Variants in NUP133 observed in about 807,000 individuals in gnomAD.
NUP133 encodes the protein nucleoporin 133.
In NUP133, 66 loss-of-function variants were observed where a neutral mutation model predicts 146.2. The observed-to-expected ratio is 0.45, with a 90% CI of 0.37 to 0.55. The LOEUF (loss-of-function observed/expected upper bound fraction) is 0.55. Ranked by LOEUF, NUP133 falls within the 20% of genes least tolerant of loss-of-function variation. NUP133 has a pLI of 0.00. For synonymous variants in NUP133, 521 were observed against 498.8 expected (o/e 1.04, Z -0.59); for missense variants, 1,277 against 1,374.8 (o/e 0.93, Z 1.12).
rs557605890 is a variant in NUP133 at position 229,441,198 on chromosome 1, T to G, written c.*706A>C. ...ATTCATGAGTCATTCTGAAAATACA[T>G]GAGGCTGGCTGAATCCCCACACTGA... is the stretch of plus-strand genomic sequence containing the variant. On this transcript the variant is annotated 3_prime_UTR_variant, in exon 26 of 26. Coordinates refer to ENST00000261396, the MANE Select transcript of NUP133 (RefSeq NM_018230.3). The G allele has an allele frequency of 3.0e-6, 1 of 333,658 alleles. No homozygotes were observed. The highest frequency in any genetic ancestry group is 7.5e-5 in the East Asian group (1 of 13,310). 20.7% of individuals were successfully genotyped at this position (333,658 alleles called of 1,614,324 possible). A position where few individuals can be genotyped will look rare whatever the true frequency, so the allele number is the denominator to read the frequency against.
Position 229,458,233 on chromosome 1 carries a change from G to C in NUP133, c.2908C>G (p.Leu970Val). The change falls in exon 21 of 26, where the codon CTT becomes GTT. Residue 970 changes from leucine (L) to valine (V), a missense_variant. Coordinates refer to ENST00000261396, the MANE Select transcript of NUP133 (RefSeq NM_018230.3). The part of the protein sequence containing the change: ...ETRYFAKKKT[L>V]LGLSKLAALA... ...GCAGCCAATTTACTCAAGCCAAGAA[G>C]GGTTTTCTTCTTTGCAAAGTAACGA... 6.2e-7 allele frequency: 1 copy of C among 1,613,544 alleles called. No homozygotes were observed. Among genetic ancestry groups the C allele is most frequent in the Non-Finnish European group, 8.5e-7 (1 of 1,179,678 alleles).
rs770028780 is a variant in NUP133, at chr1:229,470,700, A to T, written c.1956T>A (p.Val652=). The change falls in exon 15 of 26, where the codon GTT becomes GTA. Residue 652 remains valine (V), a synonymous_variant. Coordinates refer to ENST00000261396, the MANE Select transcript of NUP133 (RefSeq NM_018230.3). ...AAAGCCGGGAGTGGTGGTTCTTGAG[A>T]ACAATGGCGGCTGACAGCTTTTCGG... The part of the protein sequence containing the change: ...EHAEKLSAAI[V]LKNHHSRLSD... 1.2e-6 allele frequency: 2 copies of T among 1,614,206 alleles called. No homozygotes were observed. The highest frequency in any genetic ancestry group is 1.7e-6 in the Non-Finnish European group (2 of 1,180,036).
chr1:229,478,293 T>C (rs1661126872), intron 12 of NUP133, among the ~76,000 whole-genome samples: 1 of 151,824 alleles, frequency 6.6e-6, no homozygotes, highest in Non-Finnish European at 1.5e-5. Context: ...AAATACACAT[T>C]GAATACTTAG....
intron 20 of NUP133, among the ~76,000 whole-genome samples, chr1:229,459,099 T>A (rs1182065124): frequency 6.6e-6 from 1 of 152,222 alleles, no homozygotes; most frequent in African/African-American, 2.4e-5. Flanking sequence ...TAAATCAAGC[T>A]AATTAACATG....
rs1660793091 is a variant in NUP133 at position 229,465,584 on chromosome 1, A to G, written c.2200-65T>C. 6 of 1,225,024 alleles carry G rather than the reference A, an allele frequency of 4.9e-6. No individual in the cohort carries two copies. The East Asian group carries it at 1.4e-4, about 28-fold the overall frequency. The allele number at this position is 1,225,024 out of a possible 1,614,324, so 75.9% of individuals were successfully genotyped here. ...ATGGATCACAGTATTTCTGAAGATA[A>G]TTTAAGACAGCAAAGTAAATTAGTA... On this transcript the variant is annotated intron_variant, in intron 16 of 25. Transcript: ENST00000261396.
chr1:229,478,458 G>A (rs1661130496), intron 12 of NUP133, among the ~76,000 whole-genome samples: 1 of 151,838 alleles, frequency 6.6e-6, no homozygotes, highest in African/African-American at 2.4e-5. Context: ...AGAACTGGGG[G>A]AGGGGTATAC....
chr1:229,474,558 G>T (rs1378642944), intron 14 of NUP133, among the ~76,000 whole-genome samples: 1 of 152,102 alleles, frequency 6.6e-6, no homozygotes, highest in Non-Finnish European at 1.5e-5. Context: ...ATCTAGTGCT[G>T]CACTGTCCAA....
At chr1:229,447,175 T>A (rs947081350) in intron 24 of NUP133, among the ~76,000 whole-genome samples, 5 of 152,204 alleles carry the variant, frequency 3.3e-5, no homozygotes, top group Non-Finnish European at 5.9e-5. Flanking sequence ...ACTGACAACC[T>A]AAATTTTAAA....
chr1:229,450,022 C>T (rs1214108492), intron 23 of NUP133, among the ~76,000 whole-genome samples: 1 of 149,866 alleles, frequency 6.7e-6, no homozygotes, highest in Non-Finnish European at 1.5e-5. Context: ...GGATTACAGG[C>T]GTGCGCCACC....
intron 21 of NUP133, among the ~76,000 whole-genome samples, chr1:229,454,483 CG>C (rs35471087): frequency 6.6e-6 from 1 of 152,128 alleles, no homozygotes; most frequent in African/African-American, 2.4e-5. Context: ...TGGCTATCTC[CG>C]GGGAGGTAGG....
At chr1:229,486,347 CA>C (rs777118745) in intron 11 of NUP133, 23 bp downstream of exon 11, 2 of 1,555,472 alleles carry the variant, frequency 1.3e-6, no homozygotes, top group Admixed American at 4.4e-5. Flanking sequence ...ATAAAAACTT[CA>C]AATTCTTATC....
intron 24 of NUP133, chr1:229,448,687 A>G (rs1471608156): frequency 6.1e-6 from 1 of 163,482 alleles, no homozygotes; most frequent in East Asian, 1.8e-4. Flanking sequence ...CTTGCACGAG[A>G]TCCAAGAAGC....
intron 19 of NUP133, among the ~76,000 whole-genome samples, chr1:229,461,971 C>T (rs778385967): frequency 4.0e-5 from 6 of 151,898 alleles, no homozygotes; most frequent in Non-Finnish European, 8.8e-5. Context: ...GCAACCTCCT[C>T]CTTTTGGGTT....
intron 2 of NUP133, 106 bp from the exon 3 acceptor site, chr1:229,502,208 C>A: frequency 1.3e-6 from 1 of 742,400 alleles, no homozygotes; most frequent in Non-Finnish European, 2.3e-6. Flanking sequence ...GACTACCTCA[C>A]AACAAATACT....
intron 21 of NUP133, among the ~76,000 whole-genome samples, chr1:229,452,977 G>T (rs1229051698): frequency 2.0e-5 from 3 of 152,130 alleles, no homozygotes; most frequent in African/African-American, 7.2e-5. Context: ...TAAGTGTGGA[G>T]ATCTCTCCAT....
chr1:229,486,596 A>G, intron 10 of NUP133, 68 bp from the exon 11 acceptor site: 2 of 1,430,620 alleles, frequency 1.4e-6, no homozygotes, highest in Non-Finnish European at 1.9e-6. Flanking sequence ...AAAAGCTACC[A>G]CCCTAAGCAG....
chr1:229,490,155 T>C, intron 8 of NUP133, 53 bp from the exon 9 acceptor site: 1 of 1,410,170 alleles, frequency 7.1e-7, no homozygotes, highest in Non-Finnish European at 9.4e-7. Flanking sequence ...AACTTAGGAG[T>C]TTCCTATAAA....
At chr1:229,491,545 G>A (rs1423201436) in intron 8 of NUP133, among the ~76,000 whole-genome samples, 1 of 152,138 alleles carries the variant, frequency 6.6e-6, no homozygotes, top group African/African-American at 2.4e-5. Flanking sequence ...TTGGGAGGCC[G>A]AGGTGGGCAT....
chr1:229,470,220 C>A (rs1461430086), intron 15 of NUP133, among the ~76,000 whole-genome samples: 3 of 151,566 alleles, frequency 2.0e-5, no homozygotes, highest in African/African-American at 4.9e-5. Flanking sequence ...CACCTGTAAT[C>A]CCAGCTACTC....
Sources: allele counts gnomAD v4.1 joint callset (sites outside exome capture counted in the v4.1 genomes callset), GRCh38; gene constraint gnomAD v4.1.1; transcripts MANE v1.5; gene names NCBI Gene and HGNC (gene_info 2026-07-23, HGNC 2026-07-21).